DLGAP2: variants seen among roughly 807,000 people sequenced by gnomAD.
DLGAP2 encodes the protein DLG associated protein 2.
A neutral mutation model predicts 100.3 loss-of-function variants in DLGAP2; 26 were observed. The ratio of observed to expected loss-of-function variants is 0.26; its 90% CI spans 0.19 to 0.36. The LOEUF is 0.36. Among genes scored for constraint, DLGAP2 ranks in the 10% least tolerant of loss-of-function variants. The pLI is 1.00. For synonymous variants in DLGAP2, 886 were observed against 630.1 expected (o/e 1.41, Z -6.08); for missense variants, 1,858 against 1,453.2 (o/e 1.28, Z -4.53).
chr8:1,668,597 T>C lies in DLGAP2; in HGVS notation c.2079T>C (p.Ser693=). 1.3e-6 allele frequency: 2 copies of C among 1,599,628 alleles called. No homozygotes were observed. Among genetic ancestry groups the C allele is most frequent in the Non-Finnish European group, 1.7e-6 (2 of 1,173,948 alleles). The change falls in exon 9 of 15, where the codon TCT becomes TCC. Residue 693 remains serine, a synonymous_variant. Coordinates refer to ENST00000637795, the MANE Select transcript of DLGAP2 (RefSeq NM_001346810.2). ...QRHLPESQSS[S]VRTSDKAILV... is the part of the protein sequence containing the mutation. The stretch of plus-strand genomic sequence containing the variant: ...ACCTGCCAGAGAGCCAGAGCAGCTC[T>C]GTGCGGACCAGCGACAAGGCCATCC...
At chr8:1,074,255 T>C (rs1237165660) in intron 2 of DLGAP2, among the ~76,000 whole-genome samples, 4 of 150,956 alleles carry the variant, frequency 2.6e-5, no homozygotes, top group Admixed American at 2.6e-4. Context: ...CAGAAGGGTT[T>C]GCAGCAGACT....
At chr8:1,608,772 C>T (rs1796904573) in intron 6 of DLGAP2, among the ~76,000 whole-genome samples, 1 of 149,166 alleles carries the variant, frequency 6.7e-6, no homozygotes, top group Non-Finnish European at 1.5e-5. Context: ...ATGCGATCAA[C>T]TGGAAGAAAG....
intron 2 of DLGAP2, among the ~76,000 whole-genome samples, chr8:1,036,643 A>G (rs1802133497): frequency 6.6e-6 from 1 of 152,106 alleles, no homozygotes; most frequent in South Asian, 2.1e-4. Flanking sequence ...GTGCTTGGTC[A>G]AGGCAGGGCC....
At chr8:1,226,321 G>C (rs1390342351) in intron 2 of DLGAP2, among the ~76,000 whole-genome samples, 1 of 152,154 alleles carries the variant, frequency 6.6e-6, no homozygotes, top group Non-Finnish European at 1.5e-5. Context: ...TCCTTTGCAG[G>C]CGCATAGATG....
At chr8:1,465,447 G>C (rs996117364) in intron 3 of DLGAP2, among the ~76,000 whole-genome samples, 16 of 151,590 alleles carry the variant, frequency 1.1e-4, no homozygotes, top group Non-Finnish European at 1.2e-4. Flanking sequence ...AAGGGGCGTG[G>C]GGTTCCATTA....
chr8:1,067,113 C>G (rs1320856486), intron 2 of DLGAP2, among the ~76,000 whole-genome samples: 1 of 152,192 alleles, frequency 6.6e-6, no homozygotes, highest in Non-Finnish European at 1.5e-5. Flanking sequence ...CCCAGCCTCT[C>G]CGCACAGCCC....
chr8:1,104,160 G>C (rs1403028243), intron 2 of DLGAP2, among the ~76,000 whole-genome samples: 3 of 152,208 alleles, frequency 2.0e-5, no homozygotes, highest in Non-Finnish European at 4.4e-5. Flanking sequence ...GGGGTTGCTG[G>C]TGATGGATGA....
At chr8:779,313 T>C (rs532330517) in intron 1 of DLGAP2, among the ~76,000 whole-genome samples, 1 of 152,274 alleles carries the variant, frequency 6.6e-6, no homozygotes, top group Non-Finnish European at 1.5e-5. Context: ...GCCTTGCTCA[T>C]GCTGGGAGCT....
chr8:1,629,120 C>T (rs868219672), intron 7 of DLGAP2, among the ~76,000 whole-genome samples: 26 of 152,272 alleles, frequency 1.7e-4, no homozygotes, highest in Middle Eastern at 6.8e-3. Flanking sequence ...TTTCTTTTGC[C>T]GCAGACTTTA....
At chr8:1,601,566 C>T (rs575701145) in intron 6 of DLGAP2, among the ~76,000 whole-genome samples, 97 of 151,918 alleles carry the variant, frequency 6.4e-4, no homozygotes, top group African/African-American at 2.2e-3. Context: ...CAGAGATGCC[C>T]TGCCCAGAGA....
chr8:1,159,800 CTG>C (rs1796855704), intron 2 of DLGAP2, among the ~76,000 whole-genome samples: 1 of 152,186 alleles, frequency 6.6e-6, no homozygotes, highest in Non-Finnish European at 1.5e-5. Context: ...AAAAGTTGCT[CTG>C]TGTTTATTGA....
intron 5 of DLGAP2, among the ~76,000 whole-genome samples, chr8:1,559,659 T>C (rs1471247555): frequency 6.6e-6 from 1 of 152,246 alleles, no homozygotes; most frequent in African/African-American, 2.4e-5. Flanking sequence ...ATGTTTTTAA[T>C]TCACAAAAAA....
In DLGAP2 at chr8:976,766, C is replaced by T. The variant is rs188378253; in HGVS notation, c.73+68800C>T. On this transcript the variant is annotated intron_variant, in intron 2 of 14. Coordinates refer to ENST00000637795, the MANE Select transcript of DLGAP2 (RefSeq NM_001346810.2). ...AGAAAAAATGGATGTAGACGTAAAC[C>T]TTTGACTTATAAAAAACATAACTGA... Among the ~76,000 whole-genome samples the T allele has an allele frequency of 3.0e-3, 454 of 152,186 alleles. 7 individuals carry two copies. The highest frequency in any genetic ancestry group is 0.027 in the Admixed American group (413 of 15,282).
intron 6 of DLGAP2, among the ~76,000 whole-genome samples, chr8:1,596,886 A>G (rs555390085): frequency 1.3e-5 from 2 of 152,240 alleles, no homozygotes; most frequent in East Asian, 1.9e-4. Flanking sequence ...CCATTTGTCA[A>G]TTCTGGCTTT....
intron 4 of DLGAP2, among the ~76,000 whole-genome samples, chr8:1,523,516 G>C (rs568082497): frequency 1.5e-3 from 225 of 152,306 alleles, no homozygotes; most frequent in Non-Finnish European, 2.4e-3. Flanking sequence ...CCTTAGACGG[G>C]GGGGAAGGAC....
chr8:1,054,282 A>G (rs952985426), intron 2 of DLGAP2, among the ~76,000 whole-genome samples: 71 of 151,784 alleles, frequency 4.7e-4, no homozygotes, highest in Admixed American at 7.2e-4. Context: ...ACACACACGC[A>G]CACACACACA....
intron 2 of DLGAP2, among the ~76,000 whole-genome samples, chr8:1,073,288 A>G (rs1803490977): frequency 6.6e-6 from 1 of 152,238 alleles, no homozygotes; most frequent in South Asian, 2.1e-4. Context: ...AATTGTAAAA[A>G]AACTGGGTAT....
chr8:1,029,291 G>A (rs1421302753), intron 2 of DLGAP2, among the ~76,000 whole-genome samples: 1 of 152,202 alleles, frequency 6.6e-6, no homozygotes, highest in Non-Finnish European at 1.5e-5. Flanking sequence ...GTCTTGGATG[G>A]GATATTAGGG....
chr8:967,269 C>G (rs1181264349), intron 2 of DLGAP2, among the ~76,000 whole-genome samples: 1 of 152,128 alleles, frequency 6.6e-6, no homozygotes, highest in Non-Finnish European at 1.5e-5. Flanking sequence ...AAAGTTTGTT[C>G]TAGTTTGAAG....
Sources: gnomAD v4.1 joint callset for allele counts (sites outside exome capture counted in the v4.1 genomes callset) on GRCh38, gnomAD v4.1.1 for gene constraint, MANE v1.5 for transcripts, NCBI Gene and HGNC (gene_info 2026-07-23, HGNC 2026-07-21) for gene names.